BMP15: variants seen among roughly 807,000 people sequenced by gnomAD.
The protein encoded by BMP15 is bone morphogenetic protein 15.
A neutral mutation model predicts 4.4 loss-of-function variants in BMP15; 5 were observed. The observed-to-expected ratio is 1.13, with a 90% CI of 0.59 to 2.38. The LOEUF (loss-of-function observed/expected upper bound fraction) is 2.38. Ranked by LOEUF, BMP15 falls within the 30% of genes most tolerant of loss-of-function variation. The pLI is 0.01. For synonymous variants in BMP15, 125 were observed against 114.6 expected (o/e 1.09, Z -0.58); for missense variants, 339 against 309.8 (o/e 1.09, Z -0.71).
In BMP15 at chrX:50,916,206, G is replaced by C. The variant is rs782402356; in HGVS notation, c.778G>C (p.Glu260Gln). The C allele has an allele frequency of 6.7e-5, 80 of 1,198,752 alleles. No homozygotes were observed. The highest frequency in any genetic ancestry group is 8.5e-5 in the Non-Finnish European group (76 of 894,923). ...PRGMEEFMER[E>Q]SLLRRTRQAD... ...GGGCATGGAGGAGTTCATGGAAAGG[G>C]AATCTCTTCTCCGGAGAACCCGACA... The change falls in exon 2 of 2, where the codon GAA becomes CAA. Residue 260 changes from glutamate to glutamine, a missense_variant. Physicochemically the swap from Glu to Gln is conservative, Grantham distance 29. Transcript: ENST00000252677.
At chrX:50,912,934 A>G (rs1923043539) in intron 1 of BMP15, among the ~76,000 whole-genome samples, 1 of 111,766 alleles carries the variant, frequency 8.9e-6, no homozygotes, top group African/African-American at 3.3e-5. Flanking sequence ...GCTCAGGTCT[A>G]TAAGATAAAC....
chrX:50,911,817 A>G (rs1394294990), intron 1 of BMP15, among the ~76,000 whole-genome samples: 1 of 111,447 alleles, frequency 9.0e-6, no homozygotes, highest in East Asian at 2.8e-4. Flanking sequence ...TACTTGGGCC[A>G]TATTGCTACT....
At position 50,916,288 on chromosome X, in the gene BMP15, A is replaced by G. The variant is rs371458960; in HGVS notation, c.860A>G (p.Glu287Gly). The G allele has an allele frequency of 4.1e-6, 5 of 1,206,115 alleles. No homozygotes were observed. The highest frequency in any genetic ancestry group is 1.7e-5 in the African/African-American group (1 of 57,605). ...TCTTCCTCAAAACATAGCGGGCCTGAAAATAACCAGTGTTCCCTCCACCCT... is the reference window on the plus strand; with the variant it reads ...TCTTCCTCAAAACATAGCGGGCCTGGAAATAACCAGTGTTCCCTCCACCCT... ...TASSSKHSGPENNQCSLHPFQ... is the reference protein window; with the variant it reads ...TASSSKHSGPGNNQCSLHPFQ... Residue 287 changes from glutamate (E) to glycine (G), a missense_variant, in exon 2 of 2, where the codon GAA becomes GGA. Transcript: ENST00000252677.
chrX:50,915,686 G>C, intron 1 of BMP15, 71 bp from the exon 2 acceptor site: 2 of 1,178,120 alleles, frequency 1.7e-6, no homozygotes, highest in Non-Finnish European at 2.3e-6. Flanking sequence ...TATCAAGACA[G>C]TTTATGAGGA....
chrX:50,916,488 C>A lies in BMP15; in HGVS notation c.1060C>A (p.Arg354=). 8.3e-7 allele frequency: 1 copy of A among 1,211,403 alleles called. No individual in the cohort carries two copies. The highest frequency in any genetic ancestry group is 1.1e-6 in the Non-Finnish European group (1 of 895,437). The change falls in exon 2 of 2, where the codon CGG becomes AGG. Residue 354 remains arginine (R), a synonymous_variant. Coordinates refer to ENST00000252677, the MANE Select transcript of BMP15 (RefSeq NM_005448.2). The stretch of plus-strand genomic sequence containing the variant: ...TCAGTTGGTGGACCAGAGTGTCCCC[C>A]GGCCCTCCTGTGTCCCGTATAAGTA... ...INQLVDQSVP[R]PSCVPYKYVP... is the part of the protein sequence containing the mutation.
intron 1 of BMP15, among the ~76,000 whole-genome samples, chrX:50,914,785 T>A (rs1379465221): frequency 8.9e-6 from 1 of 111,732 alleles, no homozygotes. Context: ...TTGTAATCTT[T>A]GCTCTTGACC....
At position 50,915,888 on chromosome X, in the gene BMP15, C is replaced by A. The variant is rs1274175121; in HGVS notation, c.460C>A (p.Pro154Thr). 3.3e-6 allele frequency: 4 copies of A among 1,209,548 alleles called. No homozygotes were observed. The highest frequency in any genetic ancestry group is 3.4e-6 in the Non-Finnish European group (3 of 895,160). ...CTTCAATCTCTCCTGCCATGTGGAGCCCTGGGTGCAGAAAAACCCAACCAA... is the reference window on the plus strand; with the variant it reads ...CTTCAATCTCTCCTGCCATGTGGAGACCTGGGTGCAGAAAAACCCAACCAA... The part of the protein sequence containing the change: ...TRFNLSCHVE[P>T]WVQKNPTNHF... The change falls in exon 2 of 2, where the codon CCC becomes ACC. Residue 154 changes from proline (P) to threonine (T), a missense_variant. By Grantham distance (38) the Pro-to-Thr change is conservative. Coordinates refer to ENST00000252677, the MANE Select transcript of BMP15 (RefSeq NM_005448.2).
chrX:50,916,280 C>T lies in BMP15; in HGVS notation c.852C>T (p.Ser284=), dbSNP rs17003221. The T allele has an allele frequency of 0.034, 40,965 of 1,204,453 alleles. 4,695 individuals carry two copies. The African/African-American group carries it at 0.45, about 13-fold the overall frequency. The part of the protein sequence containing the change: ...AEVTASSSKH[S]GPENNQCSLH... ...TTACTGCCTCTTCCTCAAAACATAG[C>T]GGGCCTGAAAATAACCAGTGTTCCC... Residue 284 remains serine, a synonymous_variant, in exon 2 of 2, where the codon AGC becomes AGT. Transcript: ENST00000252677.
In BMP15 at chrX:50,916,438, A is replaced by G; in HGVS notation, c.1010A>G (p.His337Arg). The G allele has an allele frequency of 8.3e-7, 1 of 1,210,160 alleles. No homozygotes were observed. Among genetic ancestry groups the G allele is most frequent in the Non-Finnish European group, 1.1e-6 (1 of 894,662 alleles). Residue 337 changes from histidine to arginine, a missense_variant, in exon 2 of 2, where the codon CAC becomes CGC. Transcript: ENST00000252677. ...VLRDGLNSPN[H>R]AIIQNLINQL... is the part of the protein sequence containing the mutation. ...CGCGATGGTCTCAATTCCCCCAATC[A>G]CGCCATTATTCAGAACCTTATCAAT...
rs782258253 is a variant in BMP15, at chrX:50,915,993, C to G, written c.565C>G (p.Leu189Val). ...TTGGAAAGAGATGGATATCACACAA[C>G]TTGTTCAGCAAAGGTTCTGGAATAA... ...NAWKEMDITQ[L>V]VQQRFWNNKG... The change falls in exon 2 of 2, where the codon CTT becomes GTT. Residue 189 changes from leucine to valine, a missense_variant. By Grantham distance (32) the Leu-to-Val change is conservative (BLOSUM62 1). Transcript: ENST00000252677. 8 of 1,211,922 alleles carry G rather than the reference C, an allele frequency of 6.6e-6. No homozygotes were observed. In the Admixed American group the frequency reaches 1.5e-4, roughly 23 times the overall value.
chrX:50,911,250 T>A, intron 1 of BMP15, 139 bp downstream of exon 1: 1 of 747,736 alleles, frequency 1.3e-6, no homozygotes, highest in South Asian at 2.4e-5. Context: ...TTTCAAAGGA[T>A]GGCAAGCTTT....
At chrX:50,914,382 C>A (rs1415110769) in intron 1 of BMP15, among the ~76,000 whole-genome samples, 1 of 112,326 alleles carries the variant, frequency 8.9e-6, no homozygotes, top group East Asian at 2.8e-4. Context: ...CCCAGGAGTT[C>A]GAGACCAGCC....
chrX:50,911,936 T>C (rs1923024140), intron 1 of BMP15, among the ~76,000 whole-genome samples: 2 of 111,303 alleles, frequency 1.8e-5, no homozygotes, highest in South Asian at 7.7e-4. Flanking sequence ...CAGTGGGCTA[T>C]TGAAGTGTAG....
At position 50,916,007 on chromosome X, in the gene BMP15, G is replaced by A. The variant is rs782694724; in HGVS notation, c.579G>A (p.Arg193=). Residue 193 remains arginine (R), a synonymous_variant, in exon 2 of 2, where the codon AGG becomes AGA. Coordinates refer to ENST00000252677, the MANE Select transcript of BMP15 (RefSeq NM_005448.2). ...EMDITQLVQQ[R]FWNNKGHRIL... ...ATATCACACAACTTGTTCAGCAAAG[G>A]TTCTGGAATAACAAGGGACACAGGA... is the stretch of plus-strand genomic sequence containing the variant. 5 of 1,210,135 alleles carry A rather than the reference G, an allele frequency of 4.1e-6. No individual in the cohort carries two copies. Among genetic ancestry groups the A allele is most frequent in the Non-Finnish European group, 1.1e-6 (1 of 895,351 alleles).
intron 1 of BMP15, among the ~76,000 whole-genome samples, chrX:50,914,684 G>A (rs1411223859): frequency 1.8e-5 from 2 of 111,990 alleles, no homozygotes; most frequent in African/African-American, 3.2e-5. Context: ...GGAGAAGAAG[G>A]ACTAGGTGAA....
In BMP15 at chrX:50,916,492, C is replaced by T. The variant is rs782427046; in HGVS notation, c.1064C>T (p.Pro355Leu). The change falls in exon 2 of 2, where the codon CCC (proline) becomes CTC (leucine). Residue 355 changes from proline (P) to leucine (L), a missense_variant. Pro to Leu is a moderately conservative substitution (Grantham distance 98). Coordinates refer to ENST00000252677, the MANE Select transcript of BMP15 (RefSeq NM_005448.2). ...TTGGTGGACCAGAGTGTCCCCCGGC[C>T]CTCCTGTGTCCCGTATAAGTATGTT... The part of the protein sequence containing the change: ...NQLVDQSVPR[P>L]SCVPYKYVPI... 4.1e-6 allele frequency: 5 copies of T among 1,211,216 alleles called. No homozygotes were observed. In the East Asian group the frequency reaches 1.2e-4, roughly 29 times the overall value.
rs781893052 is a variant in BMP15, at chrX:50,916,543, C to G, written c.1115C>G (p.Ala372Gly). 2 of 1,211,087 alleles carry G rather than the reference C, an allele frequency of 1.7e-6. No homozygotes were observed. Among genetic ancestry groups the G allele is most frequent in the Non-Finnish European group, 2.2e-6 (2 of 895,134 alleles). Residue 372 changes from alanine to glycine, a missense_variant, in exon 2 of 2, where the codon GCA becomes GGA. By Grantham distance (60) the Ala-to-Gly change is moderately conservative. Coordinates refer to ENST00000252677, the MANE Select transcript of BMP15 (RefSeq NM_005448.2). Reference sequence around the variant, plus strand: ...CCAATTAGTGTCCTTATGATTGAGGCAAATGGGAGTATTTTGTACAAGGAG... The same window carrying G: ...CCAATTAGTGTCCTTATGATTGAGGGAAATGGGAGTATTTTGTACAAGGAG... ...YVPISVLMIE[A>G]NGSILYKEYE...
At chrX:50,912,497 G>A (rs1557280027) in intron 1 of BMP15, among the ~76,000 whole-genome samples, 1 of 111,965 alleles carries the variant, frequency 8.9e-6, no homozygotes, top group East Asian at 2.8e-4. Flanking sequence ...AGGGCTCCCA[G>A]GACCTATGAG....
At chrX:50,911,746 G>A (rs1923020765) in intron 1 of BMP15, among the ~76,000 whole-genome samples, 1 of 111,696 alleles carries the variant, frequency 9.0e-6, no homozygotes, top group Non-Finnish European at 1.9e-5. Context: ...AAAGTCTGTC[G>A]GTAACTTCTT....
Sources: allele counts gnomAD v4.1 joint callset (sites outside exome capture counted in the v4.1 genomes callset), GRCh38; gene constraint gnomAD v4.1.1; transcripts MANE v1.5; gene names NCBI Gene and HGNC (gene_info 2026-07-23, HGNC 2026-07-21).